The following WDR20 variants were observed in gnomAD, a reference collection of about 807,000 sequenced individuals.
WDR20 encodes WD repeat-containing protein 20.
Under a neutral mutation model 38.7 loss-of-function variants are expected in WDR20, and 3 were observed. That is an observed-to-expected ratio of 0.08 (90% confidence interval 0.04 to 0.20). The LOEUF (loss-of-function observed/expected upper bound fraction) is 0.20. WDR20 is among the 10% of genes least tolerant of loss of function. WDR20 has a pLI of 1.00. For missense variants in WDR20, 559 were observed against 727.7 expected, an observed-to-expected ratio of 0.77 and a Z score of 2.67; for synonymous variants, 298 against 285.6, an observed-to-expected ratio of 1.04 and a Z score of -0.44.
chr14:102,190,913 A>G (rs913347532), intron 1 of WDR20, among the ~76,000 whole-genome samples: 3 of 151,854 alleles, frequency 2.0e-5, no homozygotes, highest in African/African-American at 4.8e-5. Flanking sequence ...AGGCACAAGA[A>G]TTGCTTGAAC....
intron 2 of WDR20, 106 bp downstream of exon 2, chr14:102,195,226 ATT>A: frequency 7.8e-7 from 1 of 1,279,112 alleles, no homozygotes; most frequent in South Asian, 1.5e-5. Flanking sequence ...CCCATTTTTT[ATT>A]CGCCCAGCCC....
intron 1 of WDR20, among the ~76,000 whole-genome samples, chr14:102,150,249 G>C (rs2055312008): frequency 6.6e-6 from 1 of 152,138 alleles, no homozygotes; most frequent in African/African-American, 2.4e-5. Flanking sequence ...GCTGAGGTGG[G>C]AGGATTTCTT....
exon 4 of WDR20, chr14:102,223,501 C>T (rs748158441): frequency 2.6e-5 from 4 of 152,450 alleles, no homozygotes; most frequent in African/African-American, 4.8e-5. Flanking sequence ...TACCCGTTGA[C>T]GTTTATTTTA....
chr14:102,209,304 C>T lies in WDR20; in HGVS notation c.1134C>T (p.Leu378=). The T allele has an allele frequency of 1.2e-6, 2 of 1,614,218 alleles. No homozygotes were observed. The highest frequency in any genetic ancestry group is 1.7e-6 in the Non-Finnish European group (2 of 1,180,046). ...GTTCCGTGGGCCAGGACACACAGCT[C>T]TGTTTATGGGACCTTACAGAAGATA... ...RFGSVGQDTQ[L]CLWDLTEDIL... is the part of the protein sequence containing the mutation. The change falls in exon 3 of 3, where the codon CTC becomes CTT. Residue 378 remains leucine, a synonymous_variant. Transcript: ENST00000342702. This position sits in a 1 kb window ranked among gnomAD's most constrained non-coding sequence, Gnocchi z 6.0.
chr14:102,199,259 CACCT>C (rs536008096), intron 2 of WDR20, among the ~76,000 whole-genome samples: 2 of 151,682 alleles, frequency 1.3e-5, no homozygotes, highest in Non-Finnish European at 2.9e-5. Flanking sequence ...GAACAGCACC[CACCT>C]GAGAGGTTTG....
intron 1 of WDR20, among the ~76,000 whole-genome samples, chr14:102,187,628 G>GT (rs2065201405): frequency 6.6e-6 from 1 of 152,204 alleles, no homozygotes; most frequent in East Asian, 1.9e-4. Flanking sequence ...AGCCGTGGCA[G>GT]TGGTGGAGTG....
Position 102,208,325 on chromosome 14 carries a change from A to G in WDR20, c.433-278A>G, listed in dbSNP as rs1410406641. Among the ~76,000 whole-genome samples, 1 of 152,242 alleles carries G rather than the reference A, an allele frequency of 6.6e-6. No individual in the cohort carries two copies. ...CTCCGCAGTGAACCCTGTGCCTGGC[A>G]TCGTGTCTGGCACTTAGTGGCCCCT... On this transcript the variant is annotated intron_variant, in intron 2 of 2. Transcript: ENST00000342702. The surrounding 1 kb of genome is among the most constrained non-coding windows in gnomAD (Gnocchi z 5.6).
At chr14:102,180,591 G>T (rs928498693) in intron 1 of WDR20, among the ~76,000 whole-genome samples, 4 of 152,206 alleles carry the variant, frequency 2.6e-5, no homozygotes, top group Non-Finnish European at 5.9e-5. Flanking sequence ...AAGTACTCAG[G>T]CTTGCTGTGG....
chr14:102,215,450 G>A (rs2063104793), downstream of WDR20, among the ~76,000 whole-genome samples: 1 of 152,152 alleles, frequency 6.6e-6, no homozygotes. Context: ...CGGCTGGTAG[G>A]CTGCTTGCTT....
chr14:102,171,680 C>G (rs958859029), intron 1 of WDR20, among the ~76,000 whole-genome samples: 4 of 151,704 alleles, frequency 2.6e-5, no homozygotes, highest in African/African-American at 9.7e-5. Context: ...CTGTATCTTC[C>G]CAAAGATCTT....
In WDR20 at chr14:102,140,082, A is replaced by G. The variant is rs1175258118; in HGVS notation, c.159A>G (p.Val53=). ...CCAACCCTGTCCGCGTCTCCTTCGTAAACCTCAACGACCAGTCTGGCAACG... is the reference window on the plus strand; with the variant it reads ...CCAACCCTGTCCGCGTCTCCTTCGTGAACCTCAACGACCAGTCTGGCAACG... The part of the protein sequence containing the change: ...QGSNPVRVSF[V]NLNDQSGNGD... The change falls in exon 1 of 3, where the codon GTA becomes GTG. Residue 53 remains valine, a synonymous_variant. Coordinates refer to ENST00000342702, the MANE Select transcript of WDR20 (RefSeq NM_144574.4). 8 of 1,614,034 alleles carry G rather than the reference A, an allele frequency of 5.0e-6. No homozygotes were observed. The East Asian group carries it at 1.8e-4, about 36-fold the overall frequency.
At chr14:102,186,189 G>A (rs777555933) in intron 1 of WDR20, among the ~76,000 whole-genome samples, 2 of 152,224 alleles carry the variant, frequency 1.3e-5, no homozygotes, top group Non-Finnish European at 2.9e-5. Flanking sequence ...TACGTTGGCT[G>A]TAACTACTGA....
chr14:102,166,946 C>T (rs893248321), intron 1 of WDR20, among the ~76,000 whole-genome samples: 4 of 152,222 alleles, frequency 2.6e-5, no homozygotes, highest in Non-Finnish European at 5.9e-5. Context: ...TCCACTGTTG[C>T]TCCCTCTAAT....
chr14:102,155,413 G>T (rs1255476424), intron 1 of WDR20, among the ~76,000 whole-genome samples: 1 of 152,178 alleles, frequency 6.6e-6, no homozygotes, highest in East Asian at 1.9e-4. Flanking sequence ...GGGGAACTGG[G>T]TAAGAATGGG....
chr14:102,191,689 A>G (rs1049227072), intron 1 of WDR20, among the ~76,000 whole-genome samples: 2 of 152,168 alleles, frequency 1.3e-5, no homozygotes, highest in Non-Finnish European at 2.9e-5. Flanking sequence ...TACTTGGTAA[A>G]GGTGACATGT....
chr14:102,170,188 C>CATCTTTAA (rs1566896433), intron 1 of WDR20, among the ~76,000 whole-genome samples: 1 of 152,164 alleles, frequency 6.6e-6, no homozygotes, highest in African/African-American at 2.4e-5. Context: ...TGTGTAAAAG[C>CATCTTTAA]ATCTTTAATG....
chr14:102,212,637 T>A, downstream of WDR20: 1 of 1,533,162 alleles, frequency 6.5e-7, no homozygotes, highest in South Asian at 1.2e-5. Context: ...GGAAGCGCCC[T>A]TCTCCTCGGC....
At chr14:102,162,458 C>A (rs559115756) in intron 1 of WDR20, among the ~76,000 whole-genome samples, 1 of 152,096 alleles carries the variant, frequency 6.6e-6, no homozygotes, top group Non-Finnish European at 1.5e-5. Context: ...AGTGCCTGTA[C>A]GTAGTAGGCA....
intron 1 of WDR20, among the ~76,000 whole-genome samples, chr14:102,165,810 A>AT (rs886498054): frequency 1.2e-4 from 18 of 147,462 alleles, no homozygotes; most frequent in Admixed American, 4.7e-4. Context: ...CTAATTTTTT[A>AT]TTTTTTTTTA....
Sources: gnomAD v4.1 joint callset for allele counts (sites outside exome capture counted in the v4.1 genomes callset) on GRCh38, gnomAD v4.1.1 for gene constraint, Gnocchi (gnomAD v3.1) non-coding constraint, MANE v1.5 for transcripts, NCBI Gene and HGNC (gene_info 2026-07-23, HGNC 2026-07-21) for gene names.